The following MAML3 variants were observed in gnomAD, a reference collection of about 807,000 sequenced individuals.
The protein encoded by MAML3 is mastermind-like protein 3.
MAML3 carries 27 observed loss-of-function variants against 101.9 expected under a neutral mutation model. The ratio of observed to expected loss-of-function variants is 0.27; its 90% CI spans 0.20 to 0.37. The LOEUF is 0.37. Among genes scored for constraint, MAML3 ranks in the 10% least tolerant of loss-of-function variants. The pLI, the probability that MAML3 is intolerant of heterozygous loss-of-function variation, is 1.00. For missense variants in MAML3, 1,316 were observed against 1,444.9 expected (o/e 0.91, Z 1.45); for synonymous variants, 501 against 555.9 (o/e 0.90, Z 1.39).
At chr4:139,734,209 G>A (rs1728837667) in intron 2 of MAML3, among the ~76,000 whole-genome samples, 1 of 152,262 alleles carries the variant, frequency 6.6e-6, no homozygotes, top group East Asian at 1.9e-4. Context: ...GTCTCAGAGG[G>A]CTTAATGAGA....
At chr4:139,805,904 A>G (rs1391186385) in intron 2 of MAML3, among the ~76,000 whole-genome samples, 1 of 152,156 alleles carries the variant, frequency 6.6e-6, no homozygotes, top group Non-Finnish European at 1.5e-5. Context: ...CCAGAAGGAG[A>G]TCTTAAGAAT....
chr4:139,974,327 G>T (rs1317899618), intron 1 of MAML3, among the ~76,000 whole-genome samples: 2 of 151,994 alleles, frequency 1.3e-5, no homozygotes, highest in Non-Finnish European at 2.9e-5. Flanking sequence ...GGATGGTCTC[G>T]ATCTCCTGAC....
At position 139,999,005 on chromosome 4, in the gene MAML3, C is replaced by T. The variant is rs566165980; in HGVS notation, c.469-108038G>A. 2.6e-5 allele frequency among the ~76,000 whole-genome samples: 4 copies of T among 152,290 alleles called. No homozygotes were observed. The East Asian group carries it at 7.7e-4, about 29-fold the overall frequency. ...CTATCTGCGGGTAGAGGTGCACACTCTAAGTTCAGGCCATTTTCAAGTAGA... is the reference window on the plus strand; with the variant it reads ...CTATCTGCGGGTAGAGGTGCACACTTTAAGTTCAGGCCATTTTCAAGTAGA... On this transcript the variant is annotated intron_variant, in intron 1 of 4. Transcript: ENST00000509479.
At chr4:139,973,106 T>G (rs980506756) in intron 1 of MAML3, among the ~76,000 whole-genome samples, 18 of 152,252 alleles carry the variant, frequency 1.2e-4, no homozygotes, top group Admixed American at 5.2e-4. Flanking sequence ...AATCCAGTGT[T>G]TAGCCATAAA....
At chr4:139,825,033 C>A (rs752240068) in intron 2 of MAML3, among the ~76,000 whole-genome samples, 12 of 152,102 alleles carry the variant, frequency 7.9e-5, no homozygotes, top group Non-Finnish European at 1.2e-4. Flanking sequence ...GGCAGCCCCT[C>A]CTGCAGCACC....
intron 1 of MAML3, among the ~76,000 whole-genome samples, chr4:139,900,718 A>T (rs1732702173): frequency 6.6e-6 from 1 of 152,194 alleles, no homozygotes; most frequent in Admixed American, 6.5e-5. Flanking sequence ...AGGCCATATG[A>T]TTTTCAAATC....
chr4:139,951,701 A>G (rs531428845), intron 1 of MAML3, among the ~76,000 whole-genome samples: 1 of 151,834 alleles, frequency 6.6e-6, no homozygotes, highest in African/African-American at 2.4e-5. Flanking sequence ...TGAACTCAAC[A>G]AATGTTCTTT....
At chr4:139,932,123 T>C (rs563992558) in intron 1 of MAML3, among the ~76,000 whole-genome samples, 77 of 152,292 alleles carry the variant, frequency 5.1e-4, no homozygotes, top group African/African-American at 1.4e-3. Flanking sequence ...AAAAACATCA[T>C]GCAAATAAAA....
intron 1 of MAML3, among the ~76,000 whole-genome samples, chr4:139,989,842 C>CACAA (rs757823377): frequency 7.8e-6 from 1 of 128,068 alleles, no homozygotes; most frequent in Non-Finnish European, 1.7e-5. Context: ...CCCCACCACA[C>CACAA]ACAAACAAAC....
chr4:139,738,680 C>T (rs1389082976), intron 2 of MAML3, among the ~76,000 whole-genome samples: 1 of 150,284 alleles, frequency 6.7e-6, no homozygotes, highest in African/African-American at 2.5e-5. Context: ...ATTTGAAAAA[C>T]AATGCAGAAA....
chr4:139,979,605 G>A (rs1446358085), intron 1 of MAML3, among the ~76,000 whole-genome samples: 1 of 152,176 alleles, frequency 6.6e-6, no homozygotes, highest in African/African-American at 2.4e-5. Flanking sequence ...AGGCCATGAA[G>A]GCTACTCCCT....
intron 2 of MAML3, among the ~76,000 whole-genome samples, chr4:139,832,896 A>G (rs774803262): frequency 1.6e-4 from 24 of 152,214 alleles, no homozygotes; most frequent in Non-Finnish European, 2.9e-4. Flanking sequence ...TAAATTTTAA[A>G]TAATAACCTT....
chr4:139,875,252 T>A (rs750975273), intron 2 of MAML3, among the ~76,000 whole-genome samples: 1 of 152,142 alleles, frequency 6.6e-6, no homozygotes, highest in Non-Finnish European at 1.5e-5. Flanking sequence ...TCTGCCACCC[T>A]CCCTACGAAG....
At chr4:140,077,211 G>A (rs1370729219) in intron 1 of MAML3, among the ~76,000 whole-genome samples, 1 of 152,154 alleles carries the variant, frequency 6.6e-6, no homozygotes, top group Non-Finnish European at 1.5e-5. Context: ...ACATTTTCAA[G>A]TTCTTTAACC....
rs200625036 is a variant in MAML3 at position 140,118,956 on chromosome 4, AT to A, written c.468+33903del. Among the ~76,000 whole-genome samples, 690 of 152,208 alleles carry A rather than the reference AT, an allele frequency of 4.5e-3. 5 individuals carry two copies. The highest frequency in any genetic ancestry group is 0.015 in the African/African-American group (605 of 41,516). On this transcript the variant is annotated intron_variant, in intron 1 of 4. Coordinates refer to ENST00000509479, the MANE Select transcript of MAML3 (RefSeq NM_018717.5). ...TGTAATCATTCAAACCAACCTAATC[AT>A]TTTTTTGACAAAGGATTTGGGAAAT... is the stretch of plus-strand genomic sequence containing the variant.
At chr4:139,990,744 T>C (rs1222594178) in intron 1 of MAML3, among the ~76,000 whole-genome samples, 2 of 152,042 alleles carry the variant, frequency 1.3e-5, no homozygotes, top group Admixed American at 6.6e-5. Context: ...ACAAGCATTC[T>C]TATACACCAA....
intron 1 of MAML3, among the ~76,000 whole-genome samples, chr4:140,001,997 T>C (rs775089736): frequency 1.3e-5 from 2 of 152,210 alleles, no homozygotes; most frequent in East Asian, 1.9e-4. Flanking sequence ...GTATACACTA[T>C]GCAATGGCTA....
chr4:139,910,362 T>C (rs570841419), intron 1 of MAML3, among the ~76,000 whole-genome samples: 1 of 152,328 alleles, frequency 6.6e-6, no homozygotes, highest in South Asian at 2.1e-4. Context: ...TTGTCCAACA[T>C]TGCTGAGAGG....
chr4:140,139,365 G>A (rs1023412656), intron 1 of MAML3, among the ~76,000 whole-genome samples: 2 of 151,802 alleles, frequency 1.3e-5, no homozygotes, highest in African/African-American at 4.8e-5. Flanking sequence ...TTAAAGAAAC[G>A]GTCTGAAACA....
Sources: allele counts gnomAD v4.1 joint callset (sites outside exome capture counted in the v4.1 genomes callset), GRCh38; gene constraint gnomAD v4.1.1; transcripts MANE v1.5; gene names NCBI Gene and HGNC (gene_info 2026-07-23, HGNC 2026-07-21).